The following CNTN5 variants were observed in gnomAD, a reference collection of about 807,000 sequenced individuals.
CNTN5 encodes the protein contactin-5.
A neutral mutation model predicts 129.1 loss-of-function variants in CNTN5; 77 were observed. That is an observed-to-expected ratio of 0.60 (90% CI 0.50 to 0.72). The LOEUF is 0.72. CNTN5 is among the 30% of genes least tolerant of loss of function. The probability of loss-of-function intolerance (pLI) is 0.00; values close to 1 mark genes in which losing one functional copy is unlikely to be tolerated. For missense variants in CNTN5, 1,478 were observed against 1,328.8 expected (o/e 1.11, Z -1.75); for synonymous variants, 509 against 465.6 (o/e 1.09, Z -1.20).
chr11:99,759,371 TTCA>T (rs1944503164), intron 3 of CNTN5, among the ~76,000 whole-genome samples: 2 of 151,992 alleles, frequency 1.3e-5, no homozygotes, highest in African/African-American at 4.8e-5. Context: ...CCCTCATGAG[TTCA>T]TCATTTAAAA....
At chr11:99,543,734 A>G (rs1248096715) in intron 2 of CNTN5, among the ~76,000 whole-genome samples, 3 of 152,114 alleles carry the variant, frequency 2.0e-5, no homozygotes, top group South Asian at 2.1e-4. Flanking sequence ...CCTGGCCAAC[A>G]TGGTGAAACC....
At chr11:100,106,668 CA>C (rs1293971216) in intron 13 of CNTN5, among the ~76,000 whole-genome samples, 1 of 151,892 alleles carries the variant, frequency 6.6e-6, no homozygotes, top group Non-Finnish European at 1.5e-5. Context: ...TAAAAACAAA[CA>C]AAAAAATGAA....
intron 9 of CNTN5, among the ~76,000 whole-genome samples, chr11:100,028,524 T>C (rs1032331963): frequency 2.6e-5 from 4 of 152,280 alleles, no homozygotes; most frequent in Middle Eastern, 3.4e-3. Context: ...TTGGGGAGCA[T>C]TGTTTACTTT....
chr11:99,591,757 C>T (rs1481295950), intron 3 of CNTN5, among the ~76,000 whole-genome samples: 2 of 151,880 alleles, frequency 1.3e-5, no homozygotes, highest in Non-Finnish European at 2.9e-5. Flanking sequence ...ATACAGGTGT[C>T]CTGAATAAGG....
chr11:100,296,902 G>A (rs1951109985), intron 18 of CNTN5, among the ~76,000 whole-genome samples: 1 of 151,546 alleles, frequency 6.6e-6, no homozygotes, highest in Admixed American at 6.6e-5. Flanking sequence ...CTCATAGCCT[G>A]TAAAATGATT....
At chr11:99,671,825 A>G (rs1272967778) in intron 3 of CNTN5, among the ~76,000 whole-genome samples, 1 of 152,186 alleles carries the variant, frequency 6.6e-6, no homozygotes, top group Non-Finnish European at 1.5e-5. Flanking sequence ...ATAAATTTTA[A>G]GTTTAGAGGT....
At chr11:99,355,946 C>T (rs1287519933) in intron 2 of CNTN5, among the ~76,000 whole-genome samples, 1 of 151,808 alleles carries the variant, frequency 6.6e-6, no homozygotes. Flanking sequence ...TCTGCCTCAG[C>T]CTCCCAAGTA....
chr11:99,436,230 C>T (rs577447901), intron 2 of CNTN5, among the ~76,000 whole-genome samples: 7 of 152,186 alleles, frequency 4.6e-5, no homozygotes, highest in South Asian at 2.1e-4. Context: ...GTCATTAGCA[C>T]GTTACAAACG....
chr11:99,333,064 G>A (rs771292416), intron 2 of CNTN5, among the ~76,000 whole-genome samples: 2 of 151,858 alleles, frequency 1.3e-5, no homozygotes, highest in Admixed American at 6.6e-5. Context: ...AAAACTTCCC[G>A]GGTAGCTTTT....
intron 3 of CNTN5, among the ~76,000 whole-genome samples, chr11:99,771,950 GTGTC>G (rs1041424118): frequency 1.3e-5 from 2 of 151,610 alleles, no homozygotes; most frequent in African/African-American, 4.8e-5. Flanking sequence ...TTACCCATGA[GTGTC>G]TGGGAGAAAA....
At chr11:99,678,709 G>T (rs937889209) in intron 3 of CNTN5, among the ~76,000 whole-genome samples, 1 of 152,064 alleles carries the variant, frequency 6.6e-6, no homozygotes, top group Admixed American at 6.6e-5. Context: ...AAAGTTATCT[G>T]TAAAAGGATA....
At chr11:100,070,781 C>A (rs1943891191) in intron 11 of CNTN5, among the ~76,000 whole-genome samples, 1 of 152,084 alleles carries the variant, frequency 6.6e-6, no homozygotes, top group South Asian at 2.1e-4. Flanking sequence ...GAGTGAGAAA[C>A]ATAACAAATA....
chr11:99,836,740 C>G (rs1222547627), intron 4 of CNTN5, among the ~76,000 whole-genome samples: 2 of 152,146 alleles, frequency 1.3e-5, no homozygotes, highest in African/African-American at 4.8e-5. Flanking sequence ...AATGGTTGAA[C>G]TAGTTTACAG....
At chr11:99,655,480 A>G (rs944337171) in intron 3 of CNTN5, among the ~76,000 whole-genome samples, 1 of 152,114 alleles carries the variant, frequency 6.6e-6, no homozygotes, top group Non-Finnish European at 1.5e-5. Flanking sequence ...AATCTCTTGC[A>G]TGCTTCCTTC....
At chr11:99,203,341 G>A (rs2135638380) in intron 1 of CNTN5, among the ~76,000 whole-genome samples, 1 of 152,198 alleles carries the variant, frequency 6.6e-6, no homozygotes, top group Admixed American at 6.5e-5. Context: ...CTATTTAACA[G>A]CAAATATCAA....
intron 2 of CNTN5, among the ~76,000 whole-genome samples, chr11:99,345,760 A>T (rs1937807525): frequency 6.6e-6 from 1 of 152,180 alleles, no homozygotes; most frequent in South Asian, 2.1e-4. Flanking sequence ...GCATATGTAA[A>T]TTATTACTTA....
chr11:100,163,321 A>T (rs770570411), intron 13 of CNTN5, among the ~76,000 whole-genome samples: 2 of 151,708 alleles, frequency 1.3e-5, no homozygotes, highest in Non-Finnish European at 2.9e-5. Context: ...AAACTTGTTT[A>T]TGTTTTTTTC....
chr11:99,263,448 C>G (rs1479076573), intron 1 of CNTN5, among the ~76,000 whole-genome samples: 1 of 151,906 alleles, frequency 6.6e-6, no homozygotes, highest in Non-Finnish European at 1.5e-5. Flanking sequence ...TGTGAAAAAC[C>G]TCAATATCTT....
chr11:100,186,696 C>T (rs1228770326), intron 13 of CNTN5, among the ~76,000 whole-genome samples: 2 of 152,268 alleles, frequency 1.3e-5, no homozygotes, highest in African/African-American at 2.4e-5. Flanking sequence ...AAAACCTTCA[C>T]CTCACTGCTC....
Sources: allele counts gnomAD v4.1 joint callset (sites outside exome capture counted in the v4.1 genomes callset), GRCh38; gene constraint gnomAD v4.1.1; transcripts MANE v1.5; gene names NCBI Gene and HGNC (gene_info 2026-07-23, HGNC 2026-07-21).